The following SLC3A1 variants were observed in gnomAD, a reference collection of about 807,000 sequenced individuals.
The protein encoded by SLC3A1 is solute carrier family 3 member 1.
SLC3A1 carries 78 observed loss-of-function variants against 60.3 expected under a neutral mutation model. That is an observed-to-expected ratio of 1.29 (90% CI 1.08 to 1.56). SLC3A1 has a LOEUF of 1.56. Ranked by LOEUF, SLC3A1 falls within the 40% of genes most tolerant of loss-of-function variation. The probability of loss-of-function intolerance (pLI) is 0.00; values close to 1 mark genes in which losing one functional copy is unlikely to be tolerated. For synonymous variants in SLC3A1, 392 were observed against 307.9 expected, an observed-to-expected ratio of 1.27 and a Z score of -2.86; for missense variants, 1,172 against 858.9, an observed-to-expected ratio of 1.36 and a Z score of -4.56.
At chr2:44,313,705 C>T in intron 8 of SLC3A1, 130 bp from the exon 9 acceptor site, 1 of 822,540 alleles carries the variant, frequency 1.2e-6, no homozygotes, top group Non-Finnish European at 2.1e-6. Context: ...CTTTTCATCA[C>T]AAATGCTAAT....
chr2:44,276,198 G>A (rs1471583963), intron 1 of SLC3A1, among the ~76,000 whole-genome samples: 1 of 152,156 alleles, frequency 6.6e-6, no homozygotes, highest in Non-Finnish European at 1.5e-5. Flanking sequence ...CAAACGAGTT[G>A]TTTAATTTAT....
At chr2:44,292,884 T>G (rs1258234318) in intron 4 of SLC3A1, among the ~76,000 whole-genome samples, 1 of 152,146 alleles carries the variant, frequency 6.6e-6, no homozygotes, top group Non-Finnish European at 1.5e-5. Flanking sequence ...TATTTATTTT[T>G]TATTTTTATT....
At position 44,304,166 on chromosome 2, in the gene SLC3A1, C is replaced by T. The variant is rs377314493; in HGVS notation, c.1160C>T (p.Ala387Val). The change falls in exon 7 of 10, where the codon GCA becomes GTA. Residue 387 changes from alanine (A) to valine (V), a missense_variant. Physicochemically the swap from Ala to Val is moderately conservative, Grantham distance 64. Transcript: ENST00000260649. The part of the protein sequence containing the change: ...RYRFMGTEAY[A>V]ESIDRTVMYY... ...AGGTTCATGGGGACTGAAGCCTATG[C>T]AGAGAGTATTGACAGGACCGTGATG... The T allele has an allele frequency of 1.2e-6, 2 of 1,613,938 alleles. No individual in the cohort carries two copies. The highest frequency in any genetic ancestry group is 1.3e-5 in the African/African-American group (1 of 74,916).
chr2:44,281,476 A>G lies in SLC3A1; in HGVS notation c.700A>G (p.Thr234Ala). The G allele has an allele frequency of 6.2e-7, 1 of 1,613,894 alleles. No homozygotes were observed. Among genetic ancestry groups the G allele is most frequent in the Non-Finnish European group, 8.5e-7 (1 of 1,179,744 alleles). Residue 234 changes from threonine (T) to alanine (A), a missense_variant, in exon 3 of 10, where the codon ACT (threonine) becomes GCT (alanine). Transcript: ENST00000260649. ...GAGTCGGACACGGACAGGAAAATAT[A>G]CTGATTATTATATCTGGCATGACTG... Reference protein sequence around the residue: ...QLSRTRTGKYTDYYIWHDCTH... With the variant: ...QLSRTRTGKYADYYIWHDCTH...
intron 4 of SLC3A1, among the ~76,000 whole-genome samples, chr2:44,286,485 A>G (rs908365058): frequency 3.9e-5 from 6 of 151,992 alleles, no homozygotes; most frequent in African/African-American, 1.2e-4. Context: ...GCCACCTGTG[A>G]CAGTGAGCTG....
At chr2:44,281,566 C>G (rs765467180) in intron 3 of SLC3A1, 25 bp downstream of exon 3, 1 of 1,611,976 alleles carries the variant, frequency 6.2e-7, no homozygotes, top group Admixed American at 1.7e-5. Context: ...GTCTGACTTA[C>G]AAAGGGGTAA....
chr2:44,290,620 T>C (rs73924297), intron 4 of SLC3A1, among the ~76,000 whole-genome samples: 2,016 of 152,298 alleles, frequency 0.013, 21 homozygotes, highest in Middle Eastern at 0.034. Flanking sequence ...TTTGCAGTTC[T>C]CAGAGTACAT....
At position 44,310,982 on chromosome 2, in the gene SLC3A1, C is replaced by A. The variant is rs530773675; in HGVS notation, c.1333-1604C>A. On this transcript the variant is annotated intron_variant, in intron 7 of 9. Coordinates refer to ENST00000260649, the MANE Select transcript of SLC3A1 (RefSeq NM_000341.4). ...GCTAAATTTTTAATTTTTTTGTAGA[C>A]ATGGGGTCTCACCATGTTGCCCAGG... 5.9e-5 allele frequency among the ~76,000 whole-genome samples: 9 copies of A among 152,004 alleles called. No individual in the cohort carries two copies. The East Asian group carries it at 1.7e-3, about 29-fold the overall frequency.
chr2:44,292,939 G>C (rs920557031), intron 4 of SLC3A1, among the ~76,000 whole-genome samples: 12 of 152,036 alleles, frequency 7.9e-5, no homozygotes, highest in Middle Eastern at 3.2e-3. Flanking sequence ...GAAGGGGTTT[G>C]AGTAGGGCAG....
chr2:44,304,411 A>G (rs1672100373), intron 7 of SLC3A1, 73 bp downstream of exon 7: 3 of 1,180,524 alleles, frequency 2.5e-6, no homozygotes, highest in Admixed American at 1.8e-5. Context: ...CTAAAATGCA[A>G]TGGACCTTTG....
intron 6 of SLC3A1, chr2:44,301,336 T>C: frequency 1.5e-6 from 1 of 671,542 alleles, no homozygotes; most frequent in Non-Finnish European, 2.7e-6. Flanking sequence ...TTTTGTAAAA[T>C]GATGCAGATC....
chr2:44,293,523 GAA>G (rs200058832), intron 4 of SLC3A1, among the ~76,000 whole-genome samples: 2 of 108,942 alleles, frequency 1.8e-5, no homozygotes, highest in Non-Finnish European at 4.4e-5. Context: ...TTTTAGGGGG[GAA>G]AAAAAAAAGA....
At chr2:44,304,987 A>T (rs1184534836) in intron 7 of SLC3A1, among the ~76,000 whole-genome samples, 1 of 151,588 alleles carries the variant, frequency 6.6e-6, no homozygotes, top group Non-Finnish European at 1.5e-5. Flanking sequence ...ATGGCTGGCT[A>T]ATTATTTTTG....
chr2:44,294,887 T>C (rs1027071929), intron 4 of SLC3A1, among the ~76,000 whole-genome samples: 14 of 152,188 alleles, frequency 9.2e-5, no homozygotes, highest in African/African-American at 3.4e-4. Flanking sequence ...CAAGATGATG[T>C]CTTCTGTTTG....
In SLC3A1 at chr2:44,321,285, TGC is replaced by T; in HGVS notation, c.*647_*648del. The T allele has an allele frequency of 8.0e-7, 1 of 1,251,932 alleles. No individual in the cohort carries two copies. The highest frequency in any genetic ancestry group is 1.1e-6 in the Non-Finnish European group (1 of 889,324). The allele number at this position is 1,251,932 out of a possible 1,614,324, so 77.6% of individuals were successfully genotyped here. A position where few individuals can be genotyped will look rare whatever the true frequency, so the allele number is the denominator to read the frequency against. ...AGTCTCAAGTTATTAATTTTTTTTT[TGC>T]TAACTCAATTGGAAGTAAGACTATG... is the stretch of plus-strand genomic sequence containing the variant. On this transcript the variant is annotated 3_prime_UTR_variant, in exon 10 of 10. Transcript: ENST00000260649.
chr2:44,308,257 G>A (rs1023148871), intron 7 of SLC3A1, among the ~76,000 whole-genome samples: 1 of 152,232 alleles, frequency 6.6e-6, no homozygotes, highest in African/African-American at 2.4e-5. Flanking sequence ...GTGTAGCTTA[G>A]TAAGTTTTGA....
chr2:44,309,197 C>A (rs999902085), intron 7 of SLC3A1, among the ~76,000 whole-genome samples: 3 of 152,142 alleles, frequency 2.0e-5, no homozygotes, highest in African/African-American at 7.2e-5. Flanking sequence ...AATCTGTACC[C>A]ACTAAACAAT....
chr2:44,297,479 TCTTC>T (rs1214073467), intron 4 of SLC3A1, among the ~76,000 whole-genome samples: 2 of 152,194 alleles, frequency 1.3e-5, no homozygotes, highest in Non-Finnish European at 2.9e-5. Flanking sequence ...AAGCTCTAGC[TCTTC>T]CTTCTCCTGC....
At chr2:44,313,979 A>C in intron 9 of SLC3A1, 28 bp downstream of exon 9, 14 of 1,613,790 alleles carry the variant, frequency 8.7e-6, no homozygotes, top group Non-Finnish European at 1.2e-5. Flanking sequence ...TTTTATGTTG[A>C]TTCTAGAAAC....
Sources: allele counts gnomAD v4.1 joint callset (sites outside exome capture counted in the v4.1 genomes callset), GRCh38; gene constraint gnomAD v4.1.1; transcripts MANE v1.5; gene names NCBI Gene and HGNC (gene_info 2026-07-23, HGNC 2026-07-21).